LRRC4C: variants seen among roughly 807,000 people sequenced by gnomAD.
The protein encoded by LRRC4C is leucine rich repeat containing 4C, also known as leucine-rich repeat-containing protein 4C.
In LRRC4C, 5 loss-of-function variants were observed where a neutral mutation model predicts 33.6. The ratio of observed to expected loss-of-function variants is 0.15; its 90% CI spans 0.08 to 0.31. LRRC4C has a LOEUF of 0.31. Among genes scored for constraint, LRRC4C ranks in the 10% least tolerant of loss-of-function variants. The pLI is 1.00. For synonymous variants in LRRC4C, 329 were observed against 302.0 expected, an observed-to-expected ratio of 1.09 and a Z score of -0.93; for missense variants, 560 against 796.7, an observed-to-expected ratio of 0.70 and a Z score of 3.58.
At position 40,556,692 on chromosome 11, in the gene LRRC4C, G is replaced by A. The variant is rs115765557; in HGVS notation, c.-270+91450C>T. Among the ~76,000 whole-genome samples, 419 of 152,212 alleles carry A rather than the reference G, an allele frequency of 2.8e-3. 1 individual carries two copies. The highest frequency in any genetic ancestry group is 9.6e-3 in the African/African-American group (400 of 41,538). Reference sequence around the variant, plus strand: ...CACTCTGCCATAAAGAGTTGTCAATGTGACCACAGCCAAAGCAAAATTAGG... The same window carrying A: ...CACTCTGCCATAAAGAGTTGTCAATATGACCACAGCCAAAGCAAAATTAGG... On this transcript the variant is annotated intron_variant, in intron 3 of 6. Coordinates refer to ENST00000528697, the MANE Select transcript of LRRC4C (RefSeq NM_001258419.2).
At chr11:41,318,274 ATTTCTGG>A (rs1950854776) in intron 1 of LRRC4C, among the ~76,000 whole-genome samples, 1 of 152,078 alleles carries the variant, frequency 6.6e-6, no homozygotes, top group Non-Finnish European at 1.5e-5. Flanking sequence ...CTCTTGGCTA[ATTTCTGG>A]TTTCTGGTTT....
intron 1 of LRRC4C, among the ~76,000 whole-genome samples, chr11:41,345,450 C>A (rs1231634225): frequency 1.3e-5 from 2 of 152,162 alleles, no homozygotes; most frequent in Non-Finnish European, 2.9e-5. Context: ...AAATAGAAAT[C>A]TTACCATTAT....
intron 1 of LRRC4C, among the ~76,000 whole-genome samples, chr11:41,062,564 A>G (rs572323029): frequency 3.3e-5 from 5 of 152,324 alleles, no homozygotes; most frequent in African/African-American, 7.2e-5. Context: ...CAACTCTGCT[A>G]GGTAGCATGG....
chr11:40,820,511 G>A (rs756398702), intron 2 of LRRC4C, among the ~76,000 whole-genome samples: 1 of 151,670 alleles, frequency 6.6e-6, no homozygotes, highest in Non-Finnish European at 1.5e-5. Flanking sequence ...ATTATAAAGT[G>A]GGGTTTATCC....
chr11:40,175,764 T>G (rs892850051), intron 5 of LRRC4C, among the ~76,000 whole-genome samples: 2 of 152,232 alleles, frequency 1.3e-5, no homozygotes, highest in African/African-American at 4.8e-5. Flanking sequence ...TCTGCAGCAT[T>G]TCAGCCCTTG....
chr11:40,498,195 C>A (rs1954569694), intron 3 of LRRC4C, among the ~76,000 whole-genome samples: 1 of 152,032 alleles, frequency 6.6e-6, no homozygotes, highest in Non-Finnish European at 1.5e-5. Flanking sequence ...GAGTTCTGTT[C>A]CTAAAGTTGC....
At chr11:40,838,769 A>G (rs1952789172) in intron 2 of LRRC4C, among the ~76,000 whole-genome samples, 1 of 151,890 alleles carries the variant, frequency 6.6e-6, no homozygotes, top group African/African-American at 2.4e-5. Flanking sequence ...TAAATTTTTG[A>G]CCTTGGAAAG....
At chr11:40,216,266 A>G (rs767443319) in intron 5 of LRRC4C, among the ~76,000 whole-genome samples, 6 of 152,012 alleles carry the variant, frequency 3.9e-5, no homozygotes, top group Admixed American at 3.9e-4. Flanking sequence ...CATTTCTTCC[A>G]TTTTTAAATT....
In LRRC4C at chr11:40,114,411, G is replaced by T; in HGVS notation, c.1882C>A (p.Arg628=). Residue 628 remains arginine (R), a synonymous_variant, in exon 7 of 7, where the codon CGA becomes AGA. Transcript: ENST00000528697. The part of the protein sequence containing the change: ...HSSVHEPLLI[R]MNSKDNVQET... ...TGTACATTGTCTTTAGAGTTCATTC[G>T]GATCAATAACGGTTCATGCACTGAA... 2 of 1,613,564 alleles carry T rather than the reference G, an allele frequency of 1.2e-6. No homozygotes were observed. The highest frequency in any genetic ancestry group is 1.7e-6 in the Non-Finnish European group (2 of 1,179,896).
intron 3 of LRRC4C, among the ~76,000 whole-genome samples, chr11:40,424,934 A>T (rs1950656681): frequency 6.6e-6 from 1 of 152,186 alleles, no homozygotes; most frequent in Non-Finnish European, 1.5e-5. Flanking sequence ...AATAATAACA[A>T]ATGTCAAAAA....
At chr11:41,145,950 G>T (rs961023395) in intron 1 of LRRC4C, among the ~76,000 whole-genome samples, 2 of 152,068 alleles carry the variant, frequency 1.3e-5, no homozygotes, top group African/African-American at 4.8e-5. Flanking sequence ...AGAATATTTA[G>T]CATTCTCTAA....
At chr11:40,181,856 T>C (rs6485186) in intron 5 of LRRC4C, among the ~76,000 whole-genome samples, 142,486 of 152,268 alleles carry the variant, frequency 0.94, 66,771 homozygotes, top group Middle Eastern at 0.96. Flanking sequence ...AAGCACAGCT[T>C]ACCCCGGGAC....
chr11:40,895,414 G>C (rs1175743476), intron 2 of LRRC4C, among the ~76,000 whole-genome samples: 1 of 151,788 alleles, frequency 6.6e-6, no homozygotes, highest in Non-Finnish European at 1.5e-5. Flanking sequence ...GATAATCACA[G>C]AAACATTATA....
rs991438613 is a variant in LRRC4C, at chr11:40,515,335, G to A, written c.-270+132807C>T. ...CGAAAGGAAACCCTCAGAATTTTTA[G>A]TTTACTAATAGAATTGGTAGAAACT... On this transcript the variant is annotated intron_variant, in intron 3 of 6. Transcript: ENST00000528697. Among the ~76,000 whole-genome samples the A allele has an allele frequency of 5.3e-5, 8 of 152,066 alleles. 1 individual carries two copies. Among genetic ancestry groups the A allele is most frequent in the African/African-American group, 1.4e-4 (6 of 41,512 alleles).
intron 1 of LRRC4C, among the ~76,000 whole-genome samples, chr11:41,355,732 AT>A (rs1383500658): frequency 6.6e-6 from 1 of 152,122 alleles, no homozygotes; most frequent in Non-Finnish European, 1.5e-5. Flanking sequence ...TACAGTATCC[AT>A]TTTTGGGGAT....
chr11:41,369,381 G>A (rs996897291), intron 1 of LRRC4C, among the ~76,000 whole-genome samples: 1 of 151,946 alleles, frequency 6.6e-6, no homozygotes, highest in African/African-American at 2.4e-5. Context: ...CCTCTAAGAG[G>A]GTGGAGGGTA....
chr11:41,261,019 C>CAAA, intron 1 of LRRC4C, among the ~76,000 whole-genome samples: 1 of 151,922 alleles, frequency 6.6e-6, no homozygotes, highest in Non-Finnish European at 1.5e-5. Context: ...ATTATTTTGC[C>CAAA]AGCATAAATG....
At chr11:41,181,820 G>A (rs2136157764) in intron 1 of LRRC4C, among the ~76,000 whole-genome samples, 1 of 152,216 alleles carries the variant, frequency 6.6e-6, no homozygotes, top group Admixed American at 6.5e-5. Flanking sequence ...ATGTTTAAAA[G>A]CAAGTCTGAT....
chr11:41,114,823 T>C (rs1351555108), intron 1 of LRRC4C, among the ~76,000 whole-genome samples: 1 of 152,118 alleles, frequency 6.6e-6, no homozygotes, highest in African/African-American at 2.4e-5. Flanking sequence ...CAAGGTAATC[T>C]ATAATTCCAC....
Sources: gnomAD v4.1 joint callset for allele counts (sites outside exome capture counted in the v4.1 genomes callset) on GRCh38, gnomAD v4.1.1 for gene constraint, MANE v1.5 for transcripts, NCBI Gene and HGNC (gene_info 2026-07-23, HGNC 2026-07-21) for gene names.